The following PDE3B variants were observed in gnomAD, a reference collection of about 807,000 sequenced individuals.
PDE3B encodes the protein phosphodiesterase 3B.
A neutral mutation model predicts 116.8 loss-of-function variants in PDE3B; 66 were observed. The observed-to-expected ratio is 0.56, with a 90% CI of 0.46 to 0.69. PDE3B has a LOEUF of 0.69. Ranked by LOEUF, PDE3B falls within the 30% of genes least tolerant of loss-of-function variation. The probability of loss-of-function intolerance (pLI) is 0.00; values close to 1 mark genes in which losing one functional copy is unlikely to be tolerated. For synonymous variants in PDE3B, 595 were observed against 533.6 expected (o/e 1.12, Z -1.59); for missense variants, 1,384 against 1,368.1 (o/e 1.01, Z -0.18).
chr11:14,845,829 T>A (rs1222935443), intron 12 of PDE3B, among the ~76,000 whole-genome samples: 2 of 152,070 alleles, frequency 1.3e-5, no homozygotes, highest in Non-Finnish European at 2.9e-5. Flanking sequence ...CCAAGAAATA[T>A]GGGACTATGT....
At chr11:14,707,115 G>T (rs1590076642) in intron 1 of PDE3B, among the ~76,000 whole-genome samples, 1 of 151,976 alleles carries the variant, frequency 6.6e-6, no homozygotes, top group East Asian at 1.9e-4. Flanking sequence ...AATAAGTGAT[G>T]AGAAGAAGAA....
intron 1 of PDE3B, chr11:14,674,149 T>C: frequency 7.2e-7 from 1 of 1,389,872 alleles, no homozygotes; most frequent in East Asian, 2.3e-5. Context: ...CCGGGTCCTT[T>C]TCTTCCGAGG....
chr11:14,897,969 T>C, the PDE3B span, among the ~76,000 whole-genome samples: 1 of 152,198 alleles, frequency 6.6e-6, no homozygotes, highest in Non-Finnish European at 1.5e-5. Context: ...TCTAGACTTC[T>C]GGAGAATAGG....
At chr11:14,761,979 C>G (rs892647959) in intron 1 of PDE3B, among the ~76,000 whole-genome samples, 4 of 151,750 alleles carry the variant, frequency 2.6e-5, no homozygotes, top group African/African-American at 7.3e-5. Context: ...TCTTTAATAT[C>G]CATATCTCCT....
At chr11:14,668,937 C>A (rs950041191) in intron 1 of PDE3B, among the ~76,000 whole-genome samples, 2 of 152,148 alleles carry the variant, frequency 1.3e-5, no homozygotes, top group African/African-American at 2.4e-5. Context: ...CATTCTTGCA[C>A]AAGCCTCCCT....
intron 1 of PDE3B, among the ~76,000 whole-genome samples, chr11:14,660,898 A>T (rs1346283043): frequency 6.6e-6 from 1 of 152,236 alleles, no homozygotes; most frequent in Non-Finnish European, 1.5e-5. Context: ...ACATTTATGC[A>T]GCCAAAAAAC....
intron 5 of PDE3B, among the ~76,000 whole-genome samples, chr11:14,817,176 C>T (rs1022220420): frequency 6.6e-6 from 1 of 151,976 alleles, no homozygotes; most frequent in East Asian, 1.9e-4. Flanking sequence ...TCTGAGCAAG[C>T]TATCGCAAGG....
chr11:14,865,009 T>C lies in PDE3B; in HGVS notation c.2887-2497T>C, dbSNP rs146145039. ...AAGATCAGAGCAGAACTGAAGGAGA[T>C]AGAGACACAGAAAACCCTTCAAAAA... On this transcript the variant is annotated intron_variant, in intron 14 of 15. Transcript: ENST00000282096. Among the ~76,000 whole-genome samples, 255 of 151,238 alleles carry C rather than the reference T, an allele frequency of 1.7e-3. 7 individuals carry two copies. The East Asian group carries it at 0.042, about 25-fold the overall frequency.
intron 12 of PDE3B, among the ~76,000 whole-genome samples, chr11:14,847,934 T>C (rs1847648377): frequency 6.6e-6 from 1 of 152,266 alleles, no homozygotes; most frequent in Admixed American, 6.5e-5. Context: ...TACCATTCCT[T>C]CTGAAACTAT....
chr11:14,802,530 G>T (rs141454630), intron 4 of PDE3B, among the ~76,000 whole-genome samples: 125 of 152,270 alleles, frequency 8.2e-4, no homozygotes, highest in African/African-American at 2.7e-3. Context: ...AGTTGGAAAT[G>T]CAGAAATCAC....
intron 2 of PDE3B, among the ~76,000 whole-genome samples, chr11:14,781,427 C>G (rs920237543): frequency 6.6e-6 from 1 of 152,174 alleles, no homozygotes; most frequent in Non-Finnish European, 1.5e-5. Context: ...TACTGGCAAA[C>G]CGAATCCAGC....
chr11:14,676,298 T>C (rs1854529828), intron 1 of PDE3B, among the ~76,000 whole-genome samples: 2 of 152,172 alleles, frequency 1.3e-5, no homozygotes, highest in Admixed American at 6.5e-5. Context: ...CACAGAGTAC[T>C]TACACAAACC....
Position 14,786,590 on chromosome 11 carries a change from A to G in PDE3B, c.1183A>G (p.Arg395Gly). 6.2e-7 allele frequency: 1 copy of G among 1,612,866 alleles called. No individual in the cohort carries two copies. Among genetic ancestry groups the G allele is most frequent in the Admixed American group, 1.7e-5 (1 of 59,958 alleles). Reference protein sequence around the residue: ...SLMGAFSGSCRPKINPLTPFP... With the variant: ...SLMGAFSGSCGPKINPLTPFP... Reference sequence around the variant, plus strand: ...AATGGGTGCTTTCTCAGGTTCCTGTAGGCCAAAGATTAATCCTCTCACACC... The same window carrying G: ...AATGGGTGCTTTCTCAGGTTCCTGTGGGCCAAAGATTAATCCTCTCACACC... The change falls in exon 3 of 16, where the codon AGG (arginine) becomes GGG (glycine). Residue 395 changes from arginine (R) to glycine (G), a missense_variant. Coordinates refer to ENST00000282096, the MANE Select transcript of PDE3B (RefSeq NM_000922.4).
intron 1 of PDE3B, among the ~76,000 whole-genome samples, chr11:14,668,974 A>G (rs919370523): frequency 6.6e-6 from 1 of 152,138 alleles, no homozygotes; most frequent in Non-Finnish European, 1.5e-5. Context: ...TGTAAGAGTG[A>G]GCGTCCTAAT....
At chr11:14,784,575 A>G (rs1259700856) in intron 2 of PDE3B, among the ~76,000 whole-genome samples, 1 of 152,196 alleles carries the variant, frequency 6.6e-6, no homozygotes, top group Admixed American at 6.5e-5. Flanking sequence ...AGATGGAATC[A>G]TAAAAATATT....
At chr11:14,695,429 T>G (rs538853743) in intron 1 of PDE3B, among the ~76,000 whole-genome samples, 1 of 152,158 alleles carries the variant, frequency 6.6e-6, no homozygotes, top group Non-Finnish European at 1.5e-5. Flanking sequence ...ATACATCATT[T>G]TGGTAGACAT....
At chr11:14,882,582 C>T in the PDE3B span, among the ~76,000 whole-genome samples, 1 of 152,134 alleles carries the variant, frequency 6.6e-6, no homozygotes, top group Non-Finnish European at 1.5e-5. Flanking sequence ...TTTTCCCATT[C>T]ACACAGTGGG....
At chr11:14,858,424 G>A (rs980493316) in intron 12 of PDE3B, among the ~76,000 whole-genome samples, 1 of 152,140 alleles carries the variant, frequency 6.6e-6, no homozygotes, top group African/African-American at 2.4e-5. Flanking sequence ...GTCTTCTGCT[G>A]GAGTGAAGTG....
chr11:14,777,473 A>G (rs1336895532), intron 2 of PDE3B, among the ~76,000 whole-genome samples: 1 of 152,220 alleles, frequency 6.6e-6, no homozygotes, highest in East Asian at 1.9e-4. Flanking sequence ...ATGAAAGCTA[A>G]AGACAAAGAA....
Sources: allele counts gnomAD v4.1 joint callset (sites outside exome capture counted in the v4.1 genomes callset), GRCh38; gene constraint gnomAD v4.1.1; transcripts MANE v1.5; gene names NCBI Gene and HGNC (gene_info 2026-07-23, HGNC 2026-07-21).